The following FHIT variants were observed in gnomAD, a reference collection of about 807,000 sequenced individuals.
FHIT encodes fragile histidine triad diadenosine triphosphatase.
FHIT carries 19 observed loss-of-function variants against 17.9 expected under a neutral mutation model. The observed-to-expected ratio is 1.06, with a 90% CI of 0.74 to 1.56. FHIT has a LOEUF of 1.56. FHIT is among the 40% of genes most tolerant of loss of function. The pLI is 0.00. For synonymous variants in FHIT, 81 were observed against 69.7 expected (o/e 1.16, Z -0.81); for missense variants, 248 against 189.2 (o/e 1.31, Z -1.82).
chr3:60,483,135 G>A (rs2033686284), intron 5 of FHIT, among the ~76,000 whole-genome samples: 1 of 152,134 alleles, frequency 6.6e-6, no homozygotes, highest in Non-Finnish European at 1.5e-5. Flanking sequence ...CCAGGAAGGA[G>A]TTGAATCCTT....
chr3:61,210,381 T>C (rs2106754216), intron 1 of FHIT, among the ~76,000 whole-genome samples: 1 of 152,312 alleles, frequency 6.6e-6, no homozygotes, highest in South Asian at 2.1e-4. Context: ...TGCCTTTTGT[T>C]TGTCTGTGCC....
chr3:61,170,686 C>T (rs1003201531), intron 2 of FHIT, among the ~76,000 whole-genome samples: 2 of 152,136 alleles, frequency 1.3e-5, no homozygotes, highest in African/African-American at 4.8e-5. Flanking sequence ...CATCCGTGTT[C>T]CTGCAAAGGA....
intron 5 of FHIT, among the ~76,000 whole-genome samples, chr3:60,414,900 G>C (rs905280315): frequency 6.6e-6 from 1 of 152,146 alleles, no homozygotes; most frequent in African/African-American, 2.4e-5. Flanking sequence ...ATTAGTATTT[G>C]AAAAGTTAGA....
intron 5 of FHIT, among the ~76,000 whole-genome samples, chr3:60,067,745 C>G (rs993032139): frequency 6.6e-6 from 1 of 152,124 alleles, no homozygotes; most frequent in African/African-American, 2.4e-5. Context: ...CGCGACAGCC[C>G]CATTCCATCA....
chr3:60,679,236 A>C (rs949545531), intron 4 of FHIT, among the ~76,000 whole-genome samples: 4 of 152,186 alleles, frequency 2.6e-5, no homozygotes, highest in African/African-American at 9.6e-5. Flanking sequence ...AGACAAAGGG[A>C]TAAGAATCCG....
intron 1 of FHIT, among the ~76,000 whole-genome samples, chr3:61,247,637 T>C (rs1186395810): frequency 2.0e-5 from 3 of 152,220 alleles, no homozygotes; most frequent in Non-Finnish European, 2.9e-5. Flanking sequence ...AGGAACTTCA[T>C]ATTTTAAATG....
intron 4 of FHIT, among the ~76,000 whole-genome samples, chr3:60,789,784 G>A (rs1553728026): frequency 6.6e-6 from 1 of 152,154 alleles, no homozygotes; most frequent in African/African-American, 2.4e-5. Context: ...ATTCATCCCT[G>A]TAAATGGTCC....
At chr3:61,022,025 A>G (rs1269176202) in intron 3 of FHIT, among the ~76,000 whole-genome samples, 1 of 152,212 alleles carries the variant, frequency 6.6e-6, no homozygotes, top group Non-Finnish European at 1.5e-5. Context: ...TAGAGACACG[A>G]AAAACCCTTA....
chr3:60,813,970 CTG>C (rs1553736801), intron 4 of FHIT, among the ~76,000 whole-genome samples: 1 of 152,020 alleles, frequency 6.6e-6, no homozygotes, highest in Non-Finnish European at 1.5e-5. Context: ...TTAAACCTAT[CTG>C]TGTTTTTTTA....
chr3:61,153,271 G>A (rs1025751629), intron 2 of FHIT, among the ~76,000 whole-genome samples: 2 of 152,106 alleles, frequency 1.3e-5, no homozygotes, highest in Non-Finnish European at 2.9e-5. Context: ...AAAAATAGTT[G>A]GCTTAATGAT....
chr3:60,614,679 A>G (rs2038888540), intron 4 of FHIT, among the ~76,000 whole-genome samples: 1 of 152,128 alleles, frequency 6.6e-6, no homozygotes, highest in South Asian at 2.1e-4. Flanking sequence ...TGGACATTAC[A>G]GTGGATTGAC....
At chr3:59,775,455 C>T (rs1027451521) in intron 8 of FHIT, among the ~76,000 whole-genome samples, 10 of 152,150 alleles carry the variant, frequency 6.6e-5, no homozygotes, top group Admixed American at 1.3e-4. Flanking sequence ...CATCAGTGGT[C>T]GCACCACTCA....
At chr3:61,038,091 C>A (rs915986224) in intron 3 of FHIT, among the ~76,000 whole-genome samples, 1 of 152,118 alleles carries the variant, frequency 6.6e-6, no homozygotes, top group Non-Finnish European at 1.5e-5. Context: ...ATTTAAGTAA[C>A]AATCATCAAT....
At chr3:60,721,805 G>C in intron 4 of FHIT, among the ~76,000 whole-genome samples, 1 of 151,982 alleles carries the variant, frequency 6.6e-6, no homozygotes, top group South Asian at 2.1e-4. Context: ...ATAAAAAAGA[G>C]TATTATTATT....
chr3:60,569,789 T>C (rs1347723781), intron 4 of FHIT, among the ~76,000 whole-genome samples: 2 of 138,140 alleles, frequency 1.4e-5, no homozygotes, highest in African/African-American at 5.4e-5. Flanking sequence ...TTTGCTATTG[T>C]CACCCAGGCT....
chr3:60,922,862 T>C (rs561165507), intron 3 of FHIT, among the ~76,000 whole-genome samples: 94 of 152,360 alleles, frequency 6.2e-4, no homozygotes, highest in Non-Finnish European at 1.0e-3. Flanking sequence ...GGAATCCTAC[T>C]TTGCATCCTC....
At chr3:60,463,172 G>C (rs2032579864) in intron 5 of FHIT, among the ~76,000 whole-genome samples, 1 of 152,156 alleles carries the variant, frequency 6.6e-6, no homozygotes, top group Non-Finnish European at 1.5e-5. Context: ...ACATCATTGA[G>C]TACCATGGGA....
At chr3:59,802,345 T>C (rs545720947) in intron 8 of FHIT, among the ~76,000 whole-genome samples, 1 of 152,322 alleles carries the variant, frequency 6.6e-6, no homozygotes, top group African/African-American at 2.4e-5. Flanking sequence ...TCTTAATTCA[T>C]TGTTGTCAGG....
chr3:60,870,013 A>C (rs1012373831), intron 3 of FHIT, among the ~76,000 whole-genome samples: 7 of 152,192 alleles, frequency 4.6e-5, no homozygotes, highest in Non-Finnish European at 8.8e-5. Context: ...AAAGACTTGC[A>C]ATAAATATTG....
Sources: allele counts gnomAD v4.1 joint callset (sites outside exome capture counted in the v4.1 genomes callset), GRCh38; gene constraint gnomAD v4.1.1; transcripts MANE v1.5; gene names NCBI Gene and HGNC (gene_info 2026-07-23, HGNC 2026-07-21).